Variants in PNPLA1 observed in about 807,000 individuals in gnomAD.
The protein encoded by PNPLA1 is omega-hydroxyceramide transacylase.
In PNPLA1, 36 loss-of-function variants were observed where a neutral mutation model predicts 51.7. That is an observed-to-expected ratio of 0.70 (90% CI 0.53 to 0.92). PNPLA1 has a LOEUF of 0.92. Ranked by LOEUF, PNPLA1 falls within the 40% of genes least tolerant of loss-of-function variation. PNPLA1 has a pLI of 0.00. For missense variants in PNPLA1, 658 were observed against 682.5 expected (o/e 0.96, Z 0.40); for synonymous variants, 293 against 280.1 (o/e 1.05, Z -0.46).
chr6:36,254,790 CAG>C (rs1561847595), intron 1 of PNPLA1, among the ~76,000 whole-genome samples: 2 of 152,058 alleles, frequency 1.3e-5, no homozygotes, highest in South Asian at 2.1e-4. Context: ...GGTAGACAGA[CAG>C]AAGTGGCTGC....
In PNPLA1 at chr6:36,270,516, G is replaced by A. The variant is rs527238535; in HGVS notation, c.57G>A (p.Ser19=). The change falls in exon 1 of 9, where the codon TCG becomes TCA. Residue 19 remains serine, a synonymous_variant. Transcript: ENST00000636260. ...ACACCCCTCACTCCATCTCCTTCTC[G>A]GGCAGTGGATTCCTCTCCTTCTACC... is the stretch of plus-strand genomic sequence containing the variant. The part of the protein sequence containing the change: ...DPDTPHSISF[S]GSGFLSFYQA... The A allele has an allele frequency of 4.9e-5, 76 of 1,551,584 alleles. No individual in the cohort carries two copies. The highest frequency in any genetic ancestry group is 6.2e-5 in the Non-Finnish European group (71 of 1,147,010).
intron 5 of PNPLA1, among the ~76,000 whole-genome samples, chr6:36,297,214 C>T (rs1165201489): frequency 6.6e-6 from 1 of 152,190 alleles, no homozygotes; most frequent in Non-Finnish European, 1.5e-5. Flanking sequence ...GAAATGGTCT[C>T]GTGCTGACTA....
chr6:36,309,778 G>A (rs1371868268), intron 8 of PNPLA1, among the ~76,000 whole-genome samples: 6 of 152,102 alleles, frequency 3.9e-5, no homozygotes, highest in Non-Finnish European at 8.8e-5. Context: ...CCAATCGATG[G>A]TCTTAAGCAA....
In PNPLA1 at chr6:36,310,508, A is replaced by G. The variant is rs567068138; in HGVS notation, c.1596-1255A>G. On this transcript the variant is annotated intron_variant, in intron 8 of 8. Coordinates refer to ENST00000636260, the MANE Select transcript of PNPLA1 (RefSeq NM_001374623.1). The stretch of plus-strand genomic sequence containing the variant: ...AGTCTGTGAGATGCCCCAAGTTTCC[A>G]CCATAAAAGATCCTTTTCTTTGAGT... Among the ~76,000 whole-genome samples the G allele has an allele frequency of 3.9e-5, 6 of 152,308 alleles. No individual in the cohort carries two copies. The East Asian group carries it at 1.2e-3, about 29-fold the overall frequency.
At chr6:36,257,570 T>C (rs958588008) in intron 1 of PNPLA1, among the ~76,000 whole-genome samples, 1 of 152,248 alleles carries the variant, frequency 6.6e-6, no homozygotes, top group Non-Finnish European at 1.5e-5. Flanking sequence ...TTCTTTCAGA[T>C]GTTGTATTTT....
intron 1 of PNPLA1, among the ~76,000 whole-genome samples, chr6:36,257,550 G>T (rs1000663777): frequency 9.2e-5 from 14 of 152,160 alleles, no homozygotes; most frequent in Non-Finnish European, 2.1e-4. Context: ...GTTATTGCTT[G>T]TTTGTCTTTT....
intron 1 of PNPLA1, among the ~76,000 whole-genome samples, chr6:36,274,682 A>T (rs974781947): frequency 7.2e-5 from 11 of 152,222 alleles, no homozygotes; most frequent in African/African-American, 2.7e-4. Flanking sequence ...AGCAGCAGAT[A>T]TGAGTTCTAA....
chr6:36,291,618 TC>T, intron 2 of PNPLA1, 66 bp downstream of exon 2: 1 of 1,326,090 alleles, frequency 7.5e-7, no homozygotes. Context: ...CTGCTCTTTC[TC>T]CACAGCTCAA....
intron 5 of PNPLA1, among the ~76,000 whole-genome samples, chr6:36,295,762 T>C (rs1247774953): frequency 6.6e-6 from 1 of 152,246 alleles, no homozygotes; most frequent in Non-Finnish European, 1.5e-5. Context: ...TCATGTAATT[T>C]CATTCTCTTC....
At chr6:36,299,333 C>CT (rs56352900) in intron 5 of PNPLA1, among the ~76,000 whole-genome samples, 4 of 142,368 alleles carry the variant, frequency 2.8e-5, no homozygotes, top group South Asian at 2.2e-4. Context: ...GTTTTTTTGT[C>CT]TGTTTTTTTT....
At chr6:36,308,065 A>C (rs1045423459) in intron 8 of PNPLA1, 2 of 165,830 alleles carry the variant, frequency 1.2e-5, no homozygotes, top group African/African-American at 4.8e-5. Flanking sequence ...TTATGTTTGT[A>C]TTTATGCTAC....
At chr6:36,247,376 A>G (rs1250796436) in intron 1 of PNPLA1, among the ~76,000 whole-genome samples, 1 of 152,214 alleles carries the variant, frequency 6.6e-6, no homozygotes. Flanking sequence ...CAACCCAGTT[A>G]GATCCAGTTC....
chr6:36,251,079 T>G (rs1769413183), intron 1 of PNPLA1, among the ~76,000 whole-genome samples: 1 of 152,212 alleles, frequency 6.6e-6, no homozygotes, highest in African/African-American at 2.4e-5. Context: ...AAGGGGCCGT[T>G]TCTAGTAAGG....
chr6:36,246,964 G>T (rs1175399808), intron 1 of PNPLA1, among the ~76,000 whole-genome samples: 1 of 152,032 alleles, frequency 6.6e-6, no homozygotes, highest in South Asian at 2.1e-4. Context: ...ACTGCTTTCC[G>T]CACTCCCTGC....
At chr6:36,266,362 T>G (rs980217758), upstream of PNPLA1, among the ~76,000 whole-genome samples, 1 of 152,222 alleles carries the variant, frequency 6.6e-6, no homozygotes, top group Non-Finnish European at 1.5e-5. Context: ...ATACACTCAG[T>G]GTGTCTGCCA....
At chr6:36,293,455 A>T (rs1370720031) in intron 3 of PNPLA1, among the ~76,000 whole-genome samples, 1 of 152,124 alleles carries the variant, frequency 6.6e-6, no homozygotes, top group East Asian at 1.9e-4. Context: ...TCAAATGATG[A>T]GGATGTTTTC....
intron 1 of PNPLA1, among the ~76,000 whole-genome samples, chr6:36,282,444 A>T (rs1224973299): frequency 6.6e-6 from 1 of 152,240 alleles, no homozygotes; most frequent in Non-Finnish European, 1.5e-5. Context: ...AAATGGATAA[A>T]GATTCATTTT....
At chr6:36,267,738 C>G (rs1769796023), upstream of PNPLA1, among the ~76,000 whole-genome samples, 1 of 152,294 alleles carries the variant, frequency 6.6e-6, no homozygotes, top group African/African-American at 2.4e-5. Flanking sequence ...CCCTTCTCTG[C>G]TGCCTCAGTG....
At chr6:36,268,588 G>A (rs372917182), upstream of PNPLA1, among the ~76,000 whole-genome samples, 8 of 152,016 alleles carry the variant, frequency 5.3e-5, no homozygotes, top group South Asian at 2.1e-4. Context: ...CCACACCTCC[G>A]CCGCACAGCT....
Sources: gnomAD v4.1 joint callset for allele counts (sites outside exome capture counted in the v4.1 genomes callset) on GRCh38, gnomAD v4.1.1 for gene constraint, MANE v1.5 for transcripts, NCBI Gene and HGNC (gene_info 2026-07-23, HGNC 2026-07-21) for gene names.